The following ASTN2 variants were observed in gnomAD, a reference collection of about 807,000 sequenced individuals.
The protein encoded by ASTN2 is astrotactin 2.
In ASTN2, 54 loss-of-function variants were observed where a neutral mutation model predicts 139.8. That is an observed-to-expected ratio of 0.39 (90% CI 0.31 to 0.48). The LOEUF is 0.48. ASTN2 is among the 20% of genes least tolerant of loss of function. The pLI is 0.95. For synonymous variants in ASTN2, 756 were observed against 719.5 expected (o/e 1.05, Z -0.81); for missense variants, 1,565 against 1,725.1 (o/e 0.91, Z 1.64).
chr9:117,157,177 G>A (rs1564453954), intron 3 of ASTN2, among the ~76,000 whole-genome samples: 2 of 151,972 alleles, frequency 1.3e-5, no homozygotes, highest in Non-Finnish European at 1.5e-5. Flanking sequence ...ACATAGACAG[G>A]AGGGAAGCCC....
At chr9:116,681,390 G>T (rs1471624722) in intron 16 of ASTN2, among the ~76,000 whole-genome samples, 2 of 152,170 alleles carry the variant, frequency 1.3e-5, no homozygotes, top group Non-Finnish European at 2.9e-5. Context: ...CAAACAAATG[G>T]AAGAACATTC....
Position 116,775,121 on chromosome 9 carries a change from A to C in ASTN2, c.2396+30511T>G, listed in dbSNP as rs562171574. Among the ~76,000 whole-genome samples, 26 of 152,262 alleles carry C rather than the reference A, an allele frequency of 1.7e-4. 1 individual carries two copies. The South Asian group carries it at 3.1e-3, about 18-fold the overall frequency. ...GGGAATGGAATGGGATTCAGGTCGG[A>C]AAAGACTATCTGTTATCCAGTCCTG... On this transcript the variant is annotated intron_variant, in intron 13 of 22. Coordinates refer to ENST00000313400, the MANE Select transcript of ASTN2 (RefSeq NM_001365068.1).
At chr9:117,164,781 C>T (rs976112491) in intron 3 of ASTN2, among the ~76,000 whole-genome samples, 3 of 152,042 alleles carry the variant, frequency 2.0e-5, no homozygotes, top group African/African-American at 7.2e-5. Flanking sequence ...TGCTGGGAGC[C>T]TACCCATCCC....
chr9:117,204,926 G>A (rs962273243), intron 3 of ASTN2, among the ~76,000 whole-genome samples: 1 of 151,812 alleles, frequency 6.6e-6, no homozygotes, highest in African/African-American at 2.4e-5. Flanking sequence ...TGGCCTGCTG[G>A]TATTACTGCC....
intron 1 of ASTN2, among the ~76,000 whole-genome samples, chr9:117,403,921 G>T (rs1830909807): frequency 6.6e-6 from 1 of 152,156 alleles, no homozygotes; most frequent in East Asian, 1.9e-4. Context: ...TTGCTGGGGA[G>T]GAGGGGAGGT....
intron 22 of ASTN2, among the ~76,000 whole-genome samples, chr9:116,437,916 C>T (rs1847710184): frequency 6.6e-6 from 1 of 152,166 alleles, no homozygotes; most frequent in African/African-American, 2.4e-5. Flanking sequence ...TCCCTGAGAG[C>T]CTCAAATTCT....
rs747954415 is a variant in ASTN2, at chr9:116,699,116, T to C, written c.2806+26655A>G. On this transcript the variant is annotated intron_variant, in intron 16 of 22. Coordinates refer to ENST00000313400, the MANE Select transcript of ASTN2 (RefSeq NM_001365068.1). The surrounding 1 kb of genome is among the most constrained non-coding windows in gnomAD (Gnocchi z 4.2). ...ACTCCCTCAAGGTATATACCTTGGA[T>C]GGCCACTGCGTGGCCTGTCACAGGA... 2.5e-6 allele frequency: 4 copies of C among 1,613,946 alleles called. No homozygotes were observed. Among genetic ancestry groups the C allele is most frequent in the Non-Finnish European group, 3.4e-6 (4 of 1,179,986 alleles).
At chr9:116,578,352 TG>T (rs1853807095) in intron 19 of ASTN2, among the ~76,000 whole-genome samples, 1 of 152,182 alleles carries the variant, frequency 6.6e-6, no homozygotes, top group Admixed American at 6.5e-5. Flanking sequence ...GGATCCTTTC[TG>T]GAACTACTCA....
At chr9:116,636,366 T>C (rs1201019789) in intron 17 of ASTN2, among the ~76,000 whole-genome samples, 3 of 152,150 alleles carry the variant, frequency 2.0e-5, no homozygotes, top group Non-Finnish European at 4.4e-5. Context: ...ATAAATCACA[T>C]ACCATACATT....
At chr9:116,593,524 T>C (rs1448041978) in intron 19 of ASTN2, among the ~76,000 whole-genome samples, 1 of 152,226 alleles carries the variant, frequency 6.6e-6, no homozygotes, top group African/African-American at 2.4e-5. Flanking sequence ...GCCAAGATCC[T>C]ATGCAAGCCA....
At chr9:116,978,379 T>A (rs1836412231) in intron 7 of ASTN2, among the ~76,000 whole-genome samples, 1 of 152,152 alleles carries the variant, frequency 6.6e-6, no homozygotes, top group Non-Finnish European at 1.5e-5. Flanking sequence ...CTCTGGTAAA[T>A]TTCCAGGCTA....
chr9:117,214,607 G>A lies in ASTN2; in HGVS notation c.766C>T (p.Pro256Ser). 1 of 1,596,440 alleles carries A rather than the reference G, an allele frequency of 6.3e-7. No homozygotes were observed. The highest frequency in any genetic ancestry group is 8.6e-7 in the Non-Finnish European group (1 of 1,166,114). ...GCCTGGGGACCCAGCAGCACAGATGGGATGTAGTGGATCTCATGAGTGGCT... is the reference window on the plus strand; with the variant it reads ...GCCTGGGGACCCAGCAGCACAGATGAGATGTAGTGGATCTCATGAGTGGCT... ...TEATHEIHYI[P>S]SVLLGPQARE... Residue 256 changes from proline (P) to serine (S), a missense_variant, in exon 3 of 23, where the codon CCA becomes TCA. This residue lies in a region of ASTN2 where 596 missense variants were observed against 576.8 expected (regional missense o/e 1.03). Coordinates refer to ENST00000313400, the MANE Select transcript of ASTN2 (RefSeq NM_001365068.1).
In ASTN2 at chr9:117,366,787, T is replaced by A. The variant is rs143615099; in HGVS notation, c.442+47710A>T. ...GCGTCTACTTCATCTTCTCTTTTTT[T>A]TTTCTGAGACGCAGTCTCACTCTGT... On this transcript the variant is annotated intron_variant, in intron 1 of 22. Coordinates refer to ENST00000313400, the MANE Select transcript of ASTN2 (RefSeq NM_001365068.1). Among the ~76,000 whole-genome samples, 449 of 152,204 alleles carry A rather than the reference T, an allele frequency of 2.9e-3. 3 individuals carry two copies. The highest frequency in any genetic ancestry group is 0.01 in the African/African-American group (421 of 41,522).
chr9:116,555,931 C>G (rs1587994241), intron 19 of ASTN2, among the ~76,000 whole-genome samples: 1 of 152,156 alleles, frequency 6.6e-6, no homozygotes, highest in South Asian at 2.1e-4. Flanking sequence ...ACTGACCCAT[C>G]ATTTGCATGC....
At chr9:116,615,757 G>C (rs1475032019) in intron 19 of ASTN2, among the ~76,000 whole-genome samples, 2 of 151,674 alleles carry the variant, frequency 1.3e-5, no homozygotes, top group Non-Finnish European at 2.9e-5. Flanking sequence ...GATAGCATTA[G>C]GAGATATACC....
chr9:116,555,828 G>A (rs1852587183), intron 19 of ASTN2, among the ~76,000 whole-genome samples: 1 of 152,182 alleles, frequency 6.6e-6, no homozygotes, highest in African/African-American at 2.4e-5. Context: ...AGGCCTCGGG[G>A]TGCAGAGGTG....
chr9:116,736,038 A>T (rs1052016906), intron 13 of ASTN2, among the ~76,000 whole-genome samples: 5 of 152,224 alleles, frequency 3.3e-5, no homozygotes, highest in African/African-American at 1.2e-4. Flanking sequence ...CCATTCAGAC[A>T]TTGAAAAGCT....
At chr9:117,055,624 A>G (rs889785771) in intron 5 of ASTN2, among the ~76,000 whole-genome samples, 2 of 152,214 alleles carry the variant, frequency 1.3e-5, no homozygotes, top group South Asian at 2.1e-4. Context: ...ACACGAGAGG[A>G]GGCTGAAGAA....
intron 4 of ASTN2, among the ~76,000 whole-genome samples, chr9:117,138,889 AC>A (rs1296720303): frequency 8.5e-5 from 13 of 152,356 alleles, no homozygotes; most frequent in Non-Finnish European, 1.8e-4. Flanking sequence ...TTTCTATGTA[AC>A]ATTGTTTATC....
Sources: allele counts gnomAD v4.1 joint callset (sites outside exome capture counted in the v4.1 genomes callset), GRCh38; gene constraint gnomAD v4.1.1; regional missense constraint gnomAD v4.1.1; non-coding constraint Gnocchi (gnomAD v3.1); transcripts MANE v1.5; gene names NCBI Gene and HGNC (gene_info 2026-07-23, HGNC 2026-07-21).